GPC6: variants seen among roughly 807,000 people sequenced by gnomAD.
GPC6 encodes the protein glypican-6.
Under a neutral mutation model 55.2 loss-of-function variants are expected in GPC6, and 14 were observed. The ratio of observed to expected loss-of-function variants is 0.25; its 90% CI spans 0.17 to 0.40. GPC6 has a LOEUF of 0.40. Ranked by LOEUF, GPC6 falls within the 10% of genes least tolerant of loss-of-function variation. The pLI, the probability that GPC6 is intolerant of heterozygous loss-of-function variation, is 1.00. For synonymous variants in GPC6, 278 were observed against 259.6 expected, an observed-to-expected ratio of 1.07 and a Z score of -0.68; for missense variants, 641 against 708.5, an observed-to-expected ratio of 0.90 and a Z score of 1.08.
At chr13:94,239,102 T>C (rs1890971589) in intron 4 of GPC6, among the ~76,000 whole-genome samples, 1 of 152,120 alleles carries the variant, frequency 6.6e-6, no homozygotes, top group Non-Finnish European at 1.5e-5. Context: ...GCTTACAATG[T>C]AAGTGGTGGA....
intron 2 of GPC6, among the ~76,000 whole-genome samples, chr13:93,789,323 G>A (rs991607509): frequency 6.6e-6 from 1 of 151,560 alleles, no homozygotes; most frequent in Admixed American, 6.6e-5. Flanking sequence ...GATTTCCTAT[G>A]TATATACCTG....
chr13:93,547,721 T>C (rs1874903968), intron 2 of GPC6, among the ~76,000 whole-genome samples: 1 of 149,878 alleles, frequency 6.7e-6, no homozygotes, highest in Non-Finnish European at 1.5e-5. Flanking sequence ...TCAGCCAGAG[T>C]GGGAAAAAAA....
intron 2 of GPC6, among the ~76,000 whole-genome samples, chr13:93,649,507 A>G (rs557080335): frequency 1.2e-3 from 178 of 152,258 alleles, no homozygotes; most frequent in African/African-American, 4.0e-3. Flanking sequence ...AACGCATGGT[A>G]TATTTTTTTC....
In GPC6 at chr13:93,895,032, G is replaced by A. The variant is rs577716302; in HGVS notation, c.711+64487G>A. The stretch of plus-strand genomic sequence containing the variant: ...AGAAAGCCACTTTCTCTTTTAAGAC[G>A]TATCCTCCCACACCAACGTCTTACA... On this transcript the variant is annotated intron_variant, in intron 3 of 8. Transcript: ENST00000377047. Among the ~76,000 whole-genome samples the A allele has an allele frequency of 2.0e-5, 3 of 149,834 alleles. 1 individual carries two copies. The highest frequency in any genetic ancestry group is 4.2e-4 in the South Asian group (2 of 4,738).
At chr13:94,285,847 C>T (rs972681261) in intron 4 of GPC6, among the ~76,000 whole-genome samples, 1 of 152,174 alleles carries the variant, frequency 6.6e-6, no homozygotes, top group Non-Finnish European at 1.5e-5. Flanking sequence ...GAAAGGAATG[C>T]TGAGTAGTGT....
At chr13:93,791,997 A>G (rs1886054441) in intron 2 of GPC6, among the ~76,000 whole-genome samples, 1 of 152,240 alleles carries the variant, frequency 6.6e-6, no homozygotes, top group Non-Finnish European at 1.5e-5. Context: ...TTTTTTTTCT[A>G]AAGAATGACC....
chr13:94,334,388 C>G (rs989747630), intron 6 of GPC6, among the ~76,000 whole-genome samples: 4 of 152,220 alleles, frequency 2.6e-5, no homozygotes, highest in African/African-American at 9.6e-5. Context: ...AATACCAGTG[C>G]CCCCTGATTC....
At chr13:93,972,984 T>C (rs1429347457) in intron 3 of GPC6, among the ~76,000 whole-genome samples, 2 of 151,972 alleles carry the variant, frequency 1.3e-5, no homozygotes, top group African/African-American at 2.4e-5. Flanking sequence ...TCTCTCTCTC[T>C]CTCTCCCTCT....
chr13:94,075,910 A>C (rs533914067), intron 4 of GPC6, among the ~76,000 whole-genome samples: 2 of 152,220 alleles, frequency 1.3e-5, no homozygotes, highest in South Asian at 4.1e-4. Flanking sequence ...GACTACTGCT[A>C]TAATACACAT....
intron 1 of GPC6, among the ~76,000 whole-genome samples, chr13:93,506,864 C>G (rs1172794053): frequency 6.8e-6 from 1 of 146,646 alleles, no homozygotes; most frequent in Non-Finnish European, 1.5e-5. Context: ...CACGGTGAAA[C>G]CCTGTCTCTA....
At chr13:94,041,981 A>T (rs748860510) in intron 4 of GPC6, among the ~76,000 whole-genome samples, 5 of 151,864 alleles carry the variant, frequency 3.3e-5, no homozygotes, top group Non-Finnish European at 7.4e-5. Flanking sequence ...CCCAAATCTC[A>T]TGTTCAATTA....
chr13:94,046,993 TTAAA>T (rs1883757786), intron 4 of GPC6, among the ~76,000 whole-genome samples: 1 of 152,150 alleles, frequency 6.6e-6, no homozygotes, highest in South Asian at 2.1e-4. Flanking sequence ...GGAAAGAACT[TTAAA>T]TCTATAGTGT....
chr13:94,002,872 G>A (rs1332375918), intron 3 of GPC6, among the ~76,000 whole-genome samples: 3 of 152,032 alleles, frequency 2.0e-5, no homozygotes, highest in African/African-American at 7.2e-5. Context: ...AAAGGGAAAG[G>A]GCCAATTACA....
intron 2 of GPC6, among the ~76,000 whole-genome samples, chr13:93,566,360 A>T (rs1876120025): frequency 6.6e-6 from 1 of 152,112 alleles, no homozygotes; most frequent in South Asian, 2.1e-4. Flanking sequence ...ATTTTTAATG[A>T]CAACGTCAAA....
At chr13:93,745,103 G>A (rs1286122522) in intron 2 of GPC6, among the ~76,000 whole-genome samples, 1 of 151,960 alleles carries the variant, frequency 6.6e-6, no homozygotes, top group Non-Finnish European at 1.5e-5. Context: ...CCATTTACAT[G>A]CAAATCCAGC....
intron 2 of GPC6, among the ~76,000 whole-genome samples, chr13:93,718,614 A>T (rs1883336454): frequency 6.6e-6 from 1 of 151,932 alleles, no homozygotes; most frequent in South Asian, 2.1e-4. Context: ...GTTTAATTAG[A>T]TCCCACTTGC....
intron 4 of GPC6, among the ~76,000 whole-genome samples, chr13:94,064,754 C>T (rs1884456305): frequency 6.6e-6 from 1 of 152,110 alleles, no homozygotes; most frequent in Non-Finnish European, 1.5e-5. Context: ...TCAGCATATG[C>T]ATCTTGCAAG....
intron 4 of GPC6, among the ~76,000 whole-genome samples, chr13:94,233,471 T>A: frequency 6.6e-6 from 1 of 152,186 alleles, no homozygotes; most frequent in East Asian, 1.9e-4. Flanking sequence ...CAACTATAGC[T>A]TGAAAATATT....
chr13:94,229,679 A>G (rs911837581), intron 4 of GPC6, among the ~76,000 whole-genome samples: 3 of 152,218 alleles, frequency 2.0e-5, no homozygotes, highest in Admixed American at 2.0e-4. Flanking sequence ...GGATAGCCTC[A>G]TTGACTTACA....
Sources: allele counts gnomAD v4.1 joint callset (sites outside exome capture counted in the v4.1 genomes callset), GRCh38; gene constraint gnomAD v4.1.1; transcripts MANE v1.5; gene names NCBI Gene and HGNC (gene_info 2026-07-23, HGNC 2026-07-21).